ZFAND3: variants seen among roughly 807,000 people sequenced by gnomAD.
ZFAND3 encodes the protein zinc finger AN1-type containing 3, also known as AN1-type zinc finger protein 3.
Under a neutral mutation model 29.6 loss-of-function variants are expected in ZFAND3, and 10 were observed. That is an observed-to-expected ratio of 0.34 (90% CI 0.21 to 0.57). The LOEUF (loss-of-function observed/expected upper bound fraction) is 0.57, where lower values mean the gene tolerates loss of function less well. ZFAND3 is among the 20% of genes least tolerant of loss of function. ZFAND3 has a pLI of 0.86. For synonymous variants in ZFAND3, 128 were observed against 112.6 expected (o/e 1.14, Z -0.87); for missense variants, 230 against 304.5 (o/e 0.76, Z 1.82).
chr6:37,867,750 T>C (rs1439286962), intron 1 of ZFAND3, among the ~76,000 whole-genome samples: 2 of 152,234 alleles, frequency 1.3e-5, no homozygotes, highest in Non-Finnish European at 2.9e-5. Context: ...ACTCAGTCTT[T>C]GATAAAGTTC....
chr6:37,909,276 CTTTTTTTT>C (rs142698620), intron 1 of ZFAND3, among the ~76,000 whole-genome samples: 1 of 139,890 alleles, frequency 7.1e-6, no homozygotes, highest in Non-Finnish European at 1.5e-5. Context: ...TTCTTTTTTT[CTTTTTTTT>C]TTTTTTCTTT....
rs189214913 is a variant in ZFAND3 at position 37,833,303 on chromosome 6, A to G, written c.71+13287A>G. ...TTCACAAAGTGAATATGCCTGTGTA[A>G]CCAGAAATAGCTAACAAGAAATAGC... is the stretch of plus-strand genomic sequence containing the variant. On this transcript the variant is annotated intron_variant, in intron 1 of 5. Coordinates refer to ENST00000287218, the MANE Select transcript of ZFAND3 (RefSeq NM_021943.3). 4 of 152,256 alleles carry G rather than the reference A, an allele frequency of 2.6e-5. No homozygotes were observed. In the East Asian group the frequency reaches 7.7e-4, roughly 29 times the overall value. The allele number at this position is 152,256 out of a possible 1,614,324, so 9.4% of individuals were successfully genotyped here. A position where few individuals can be genotyped will look rare whatever the true frequency, so the allele number is the denominator to read the frequency against.
At chr6:37,962,867 G>T (rs1762222515) in intron 2 of ZFAND3, among the ~76,000 whole-genome samples, 1 of 152,188 alleles carries the variant, frequency 6.6e-6, no homozygotes. Context: ...TTTAAGAGCT[G>T]TAACACTTAC....
intron 1 of ZFAND3, among the ~76,000 whole-genome samples, chr6:37,823,784 T>A (rs958571121): frequency 4.0e-5 from 6 of 150,718 alleles, no homozygotes; most frequent in African/African-American, 1.5e-4. Flanking sequence ...ATATATGTAT[T>A]TTTTTGTATT....
chr6:38,051,241 C>T (rs1049315075), intron 2 of ZFAND3, among the ~76,000 whole-genome samples: 1 of 152,134 alleles, frequency 6.6e-6, no homozygotes, highest in Non-Finnish European at 1.5e-5. Context: ...TTTGTCTTTT[C>T]TCCTGTCACA....
intron 2 of ZFAND3, among the ~76,000 whole-genome samples, chr6:38,042,345 G>A (rs1249185407): frequency 7.8e-6 from 1 of 127,606 alleles, no homozygotes; most frequent in African/African-American, 3.0e-5. Flanking sequence ...ATGGAGTTTC[G>A]CTCTTGTCAC....
At chr6:38,003,693 A>G in intron 2 of ZFAND3, 2 of 310,838 alleles carry the variant, frequency 6.4e-6, no homozygotes, top group South Asian at 2.4e-5. Flanking sequence ...TTTTGTAGAG[A>G]CGGGGTTTTG....
chr6:38,002,310 C>T (rs1581829457), intron 2 of ZFAND3, among the ~76,000 whole-genome samples: 1 of 135,886 alleles, frequency 7.4e-6, no homozygotes, highest in Non-Finnish European at 1.6e-5. Flanking sequence ...TTAAAGAAAA[C>T]AGTTTAACAT....
chr6:38,090,244 G>A (rs551398338), intron 4 of ZFAND3, among the ~76,000 whole-genome samples: 1 of 152,174 alleles, frequency 6.6e-6, no homozygotes, highest in Non-Finnish European at 1.5e-5. Context: ...CCTCAGGTCT[G>A]CAGTATCAGC....
intron 1 of ZFAND3, among the ~76,000 whole-genome samples, chr6:37,923,655 T>C (rs1009091527): frequency 1.3e-5 from 2 of 152,220 alleles, no homozygotes; most frequent in African/African-American, 4.8e-5. Context: ...TAGACTTTTA[T>C]ATGACTGACA....
chr6:37,977,735 G>A (rs572490785), intron 2 of ZFAND3, among the ~76,000 whole-genome samples: 4 of 147,474 alleles, frequency 2.7e-5, no homozygotes, highest in Admixed American at 1.3e-4. Flanking sequence ...TCTTGATTAG[G>A]TTAAGGAAGC....
intron 2 of ZFAND3, among the ~76,000 whole-genome samples, chr6:38,015,862 T>C (rs1763243825): frequency 6.6e-6 from 1 of 152,232 alleles, no homozygotes; most frequent in South Asian, 2.1e-4. Flanking sequence ...ACTTGACCTG[T>C]GGTGTTTTCT....
intron 2 of ZFAND3, among the ~76,000 whole-genome samples, chr6:38,017,715 T>C (rs915681637): frequency 6.6e-6 from 1 of 151,990 alleles, no homozygotes; most frequent in Non-Finnish European, 1.5e-5. Context: ...AAAAAAAGAA[T>C]CATATATTTC....
chr6:38,029,560 C>T (rs868526859), intron 2 of ZFAND3, among the ~76,000 whole-genome samples: 2 of 152,230 alleles, frequency 1.3e-5, no homozygotes, highest in South Asian at 4.1e-4. Flanking sequence ...CAGGCAATGA[C>T]TAAAGTATGG....
intron 2 of ZFAND3, among the ~76,000 whole-genome samples, chr6:37,990,923 C>T (rs1433982839): frequency 1.3e-5 from 2 of 152,128 alleles, no homozygotes; most frequent in Non-Finnish European, 2.9e-5. Flanking sequence ...TTAGTTAATG[C>T]ACAAAGAATG....
rs993952048 is a variant in ZFAND3, at chr6:37,844,211, A to T, written c.71+24195A>T. On this transcript the variant is annotated intron_variant, in intron 1 of 5. Coordinates refer to ENST00000287218, the MANE Select transcript of ZFAND3 (RefSeq NM_021943.3). ...AGTGTTGGGATTATAGGCGTGAGCCACTGCACCTGGCCAAGATTGATTGAT... is the reference window on the plus strand; with the variant it reads ...AGTGTTGGGATTATAGGCGTGAGCCTCTGCACCTGGCCAAGATTGATTGAT... Among the ~76,000 whole-genome samples the T allele has an allele frequency of 3.9e-5, 6 of 152,024 alleles. 1 individual carries two copies. Among genetic ancestry groups the T allele is most frequent in the African/African-American group, 1.5e-4 (6 of 41,362 alleles).
chr6:37,862,086 T>A (rs1764502816), intron 1 of ZFAND3, among the ~76,000 whole-genome samples: 1 of 151,898 alleles, frequency 6.6e-6, no homozygotes, highest in African/African-American at 2.4e-5. Context: ...TTTTATTTTT[T>A]AAGTTATGTT....
At chr6:37,987,636 T>G (rs1215408714) in intron 2 of ZFAND3, among the ~76,000 whole-genome samples, 1 of 152,208 alleles carries the variant, frequency 6.6e-6, no homozygotes, top group African/African-American at 2.4e-5. Context: ...CCAGACTTAG[T>G]GACTCTAAAT....
In ZFAND3 at chr6:38,152,222, C is replaced by T. The variant is rs773989244; in HGVS notation, c.530-13C>T. 33 of 1,495,352 alleles carry T rather than the reference C, an allele frequency of 2.2e-5. No homozygotes were observed. The highest frequency in any genetic ancestry group is 2.7e-5 in the Non-Finnish European group (30 of 1,118,894). 92.6% of individuals were successfully genotyped at this position (1,495,352 alleles called of 1,614,324 possible). A position where few individuals can be genotyped will look rare whatever the true frequency, so the allele number is the denominator to read the frequency against. On this transcript the variant is annotated splice_polypyrimidine_tract_variant and intron_variant, in intron 5 of 5. Transcript: ENST00000287218. ...CTAACACACTCTTTCCTCTGCTTCT[C>T]CCGCTGCTGCAGGTTATGTGTTCTG...
Sources: gnomAD v4.1 joint callset for allele counts (sites outside exome capture counted in the v4.1 genomes callset) on GRCh38, gnomAD v4.1.1 for gene constraint, MANE v1.5 for transcripts, NCBI Gene and HGNC (gene_info 2026-07-23, HGNC 2026-07-21) for gene names.